The following LTA4H variants were observed in gnomAD, a reference collection of about 807,000 sequenced individuals.
LTA4H encodes the protein leukotriene A4 hydrolase, also known as leukotriene A-4 hydrolase.
In LTA4H, 59 loss-of-function variants were observed where a neutral mutation model predicts 89.8. That is an observed-to-expected ratio of 0.66 (90% CI 0.53 to 0.82). The LOEUF (loss-of-function observed/expected upper bound fraction) is 0.82. Ranked by LOEUF, LTA4H falls within the 40% of genes least tolerant of loss-of-function variation. The pLI, the probability that LTA4H is intolerant of heterozygous loss-of-function variation, is 0.00. For missense variants in LTA4H, 617 were observed against 727.0 expected, an observed-to-expected ratio of 0.85 and a Z score of 1.74; for synonymous variants, 227 against 253.1, an observed-to-expected ratio of 0.90 and a Z score of 0.98.
At chr12:96,018,687 A>G (rs1243934072) in intron 8 of LTA4H, 76 bp downstream of exon 8, 3 of 1,062,614 alleles carry the variant, frequency 2.8e-6, no homozygotes, top group Non-Finnish European at 3.9e-6. Flanking sequence ...ATATATATAC[A>G]TATTATTAGG....
At chr12:96,002,856 T>C (rs1412181783) in intron 18 of LTA4H, 104 bp downstream of exon 18, 2 of 751,258 alleles carry the variant, frequency 2.7e-6, no homozygotes, top group African/African-American at 1.8e-5. Flanking sequence ...CTGATAAACT[T>C]TAACAAATTA....
chr12:96,019,585 A>ATTTTTTTTTTT (rs755971682), intron 6 of LTA4H, among the ~76,000 whole-genome samples: 1 of 99,390 alleles, frequency 1.0e-5, no homozygotes, highest in African/African-American at 4.4e-5. Context: ...ATAAGAAACT[A>ATTTTTTTTTTT]TTTTTTTTTT....
chr12:96,009,173 T>C, intron 14 of LTA4H, 25 bp from the exon 15 acceptor site: 1 of 1,529,938 alleles, frequency 6.5e-7, no homozygotes, highest in Non-Finnish European at 9.0e-7. Flanking sequence ...ATTACATTGT[T>C]TAAAAATGCA....
At chr12:96,001,673 A>C (rs1471925058) in intron 18 of LTA4H, among the ~76,000 whole-genome samples, 1 of 152,166 alleles carries the variant, frequency 6.6e-6, no homozygotes, top group Non-Finnish European at 1.5e-5. Context: ...AAAAGTCCTG[A>C]CCACAGTGAA....
chr12:96,017,999 G>C (rs1950401885), intron 8 of LTA4H, among the ~76,000 whole-genome samples: 2 of 151,858 alleles, frequency 1.3e-5, no homozygotes, highest in Admixed American at 1.3e-4. Context: ...ACTCATTTTG[G>C]TTCTAAGAAG....
At chr12:96,035,857 G>C (rs1950636849), upstream of LTA4H, among the ~76,000 whole-genome samples, 2 of 152,148 alleles carry the variant, frequency 1.3e-5, no homozygotes, top group Admixed American at 1.3e-4. Context: ...TGAGAATGGA[G>C]GGGGAGATAA....
Position 96,022,135 on chromosome 12 carries a change from C to T in LTA4H, c.585+12G>A. On this transcript the variant is annotated intron_variant, in intron 5 of 18. Transcript: ENST00000228740. The surrounding 1 kb of genome is among the most constrained non-coding windows in gnomAD (Gnocchi z 4.0). The stretch of plus-strand genomic sequence containing the variant: ...GCCAATGAAAACAAAAATCTAGACC[C>T]TAGGATCTTACTTTTTGGATGAATT... The T allele has an allele frequency of 1.9e-6, 3 of 1,596,714 alleles. No individual in the cohort carries two copies. The highest frequency in any genetic ancestry group is 1.1e-5 in the South Asian group (1 of 90,668).
At chr12:96,009,414 T>C (rs1950260032) in intron 14 of LTA4H, 3 of 464,268 alleles carry the variant, frequency 6.5e-6, no homozygotes, top group Non-Finnish European at 1.2e-5. Context: ...AAGACTGTCA[T>C]GTGCTCGAGT....
intron 14 of LTA4H, 73 bp downstream of exon 14, chr12:96,013,114 AT>A (rs1950327522): frequency 8.6e-7 from 1 of 1,164,630 alleles, no homozygotes; most frequent in African/African-American, 1.5e-5. Context: ...AAGGCATACT[AT>A]TCTTTCAGAT....
chr12:96,017,618 C>T (rs754856795), intron 8 of LTA4H, 38 bp from the exon 9 acceptor site: 10 of 1,506,014 alleles, frequency 6.6e-6, no homozygotes, highest in Non-Finnish European at 5.5e-6. Flanking sequence ...TTTTAGTAAT[C>T]GAATTACAGA....
intron 1 of LTA4H, among the ~76,000 whole-genome samples, chr12:96,031,491 C>A (rs1950572082): frequency 6.6e-6 from 1 of 152,140 alleles, no homozygotes; most frequent in Non-Finnish European, 1.5e-5. Context: ...GGATTGTTGA[C>A]AAGTTGGATT....
chr12:96,041,876 C>T lies in LTA4H; in HGVS notation c.87+1413G>A, dbSNP rs181058761. Among the ~76,000 whole-genome samples the T allele has an allele frequency of 7.5e-3, 1,142 of 152,134 alleles. 14 individuals carry two copies. Among genetic ancestry groups the T allele is most frequent in the African/African-American group, 0.026 (1,081 of 41,516 alleles). On this transcript the variant is annotated intron_variant, in intron 1 of 17. Transcript: ENST00000413268. ...CAGGATGGTCTCAATCTCCTGACCT[C>T]GTGATCCGCCCACCTCAGCCTCCCA...
intron 16 of LTA4H, 25 bp from the exon 17 acceptor site, chr12:96,003,945 C>A (rs375577048): frequency 2.5e-4 from 364 of 1,442,200 alleles, no homozygotes; most frequent in Admixed American, 3.8e-4. Flanking sequence ...AAGAAGTATA[C>A]CGTATCATTT....
intron 1 of LTA4H, among the ~76,000 whole-genome samples, chr12:96,042,007 A>T (rs1412450105): frequency 8.6e-6 from 1 of 115,850 alleles, no homozygotes. Context: ...TTTTTTTGAC[A>T]GGGTCTTGCT....
upstream of LTA4H, among the ~76,000 whole-genome samples, chr12:96,039,111 A>G (rs933348211): frequency 9.9e-5 from 15 of 152,072 alleles, no homozygotes; most frequent in African/African-American, 3.6e-4. Flanking sequence ...AAGGCTGGGC[A>G]CAGTGGCCCA....
chr12:96,036,113 T>C (rs1183483094), upstream of LTA4H, among the ~76,000 whole-genome samples: 3 of 123,002 alleles, frequency 2.4e-5, no homozygotes, highest in East Asian at 3.8e-4. Flanking sequence ...TGTTTTTTGT[T>C]TTTAGCTGTA....
chr12:96,018,087 A>ATTT (rs201485339), intron 8 of LTA4H, among the ~76,000 whole-genome samples: 1 of 149,950 alleles, frequency 6.7e-6, no homozygotes, highest in South Asian at 2.1e-4. Context: ...TGGTGTACTG[A>ATTT]TTTTTTTTTT....
In LTA4H at chr12:96,009,127, A is replaced by G. The variant is rs1255903212; in HGVS notation, c.1401T>C (p.Asn467=). Residue 467 remains asparagine, a synonymous_variant, in exon 15 of 19, where the codon AAT becomes AAC. Coordinates refer to ENST00000228740, the MANE Select transcript of LTA4H (RefSeq NM_000895.3). ...ATCTTTGACTTAAGGCAATACAAGCATTTGTCAGAGTCATATCATAACTGC... is the reference window on the plus strand; with the variant it reads ...ATCTTTGACTTAAGGCAATACAAGCGTTTGTCAGAGTCATATCATAACTGC... ...IKPNYDMTLT[N]ACIALSQRWI... 1.2e-6 allele frequency: 2 copies of G among 1,607,150 alleles called. No individual in the cohort carries two copies. The highest frequency in any genetic ancestry group is 1.3e-5 in the African/African-American group (1 of 74,958).
At chr12:96,024,635 G>T in intron 3 of LTA4H, 88 bp from the exon 4 acceptor site, 1 of 805,502 alleles carries the variant, frequency 1.2e-6, no homozygotes, top group South Asian at 1.5e-5. Flanking sequence ...ATTGTTCTTA[G>T]ACATTAAAAT....
Sources: gnomAD v4.1 joint callset for allele counts (sites outside exome capture counted in the v4.1 genomes callset) on GRCh38, gnomAD v4.1.1 for gene constraint, Gnocchi (gnomAD v3.1) non-coding constraint, MANE v1.5 for transcripts, NCBI Gene and HGNC (gene_info 2026-07-23, HGNC 2026-07-21) for gene names.